MBP: variants seen among roughly 807,000 people sequenced by gnomAD.
MBP encodes the protein myelin basic protein, also known as Golli-MBP.
In MBP, 16 loss-of-function variants were observed where a neutral mutation model predicts 35.8. The observed-to-expected ratio is 0.45, with a 90% CI of 0.30 to 0.68. MBP has a LOEUF of 0.68. Among genes scored for constraint, MBP ranks in the 30% least tolerant of loss-of-function variants. The pLI is 0.08. For missense variants in MBP, 380 were observed against 404.7 expected (o/e 0.94, Z 0.52); for synonymous variants, 143 against 159.6 (o/e 0.90, Z 0.78).
rs1282128137 is a variant in MBP at position 77,077,964 on chromosome 18, C to T, written c.52-11579G>A. 9.2e-5 allele frequency among the ~76,000 whole-genome samples: 14 copies of T among 152,176 alleles called. No individual in the cohort carries two copies. The East Asian group carries it at 2.1e-3, about 23-fold the overall frequency. On this transcript the variant is annotated intron_variant, in intron 2 of 8. Coordinates refer to ENST00000355994, the MANE Select transcript of MBP (RefSeq NM_001025101.2). ...ACCATCCCTGTGGAGGGATTATCCC[C>T]GGGCCATCCTCCCGAGAGCTGCACC...
intron 2 of MBP, chr18:77,068,936 C>G (rs1974316948): frequency 2.2e-6 from 1 of 459,594 alleles, no homozygotes; most frequent in Non-Finnish European, 4.4e-6. Flanking sequence ...CACCACGGAG[C>G]TGAGCCTTGG....
rs1456157750 is a variant in MBP at position 77,028,668 on chromosome 18, G to A, written c.140-11400C>T. On this transcript the variant is annotated intron_variant, in intron 3 of 8. Transcript: ENST00000355994. ...CGGACGGGGCAGCTGGCTGGGCAGA[G>A]GGGCTCCTCACTTCCCAGTAGGGGC... Among the ~76,000 whole-genome samples, 3 of 82,794 alleles carry A rather than the reference G, an allele frequency of 3.6e-5. 1 individual carries two copies. The highest frequency in any genetic ancestry group is 1.0e-4 in the African/African-American group (3 of 28,718). The allele number at this position is 82,794 out of a possible 152,430, so 54.3% of individuals were successfully genotyped here. A position where few individuals can be genotyped will look rare whatever the true frequency, so the allele number is the denominator to read the frequency against.
At chr18:77,014,413 T>C (rs954158838) in intron 4 of MBP, 1 of 985,160 alleles carries the variant, frequency 1.0e-6, no homozygotes, top group Non-Finnish European at 1.2e-6. Context: ...TCGTTCTAGA[T>C]AGGGAGAAGC....
At chr18:77,082,028 A>ATT (rs1201528960) in intron 2 of MBP, among the ~76,000 whole-genome samples, 1 of 150,646 alleles carries the variant, frequency 6.6e-6, no homozygotes, top group Non-Finnish European at 1.5e-5. Flanking sequence ...ATTTTTTTGT[A>ATT]TTTTTAGTAG....
chr18:77,079,433 T>C (rs1259607633), intron 2 of MBP, among the ~76,000 whole-genome samples: 2 of 152,206 alleles, frequency 1.3e-5, no homozygotes, highest in Non-Finnish European at 2.9e-5. Flanking sequence ...CACCAGGACA[T>C]ACAATGTTTA....
intron 3 of MBP, among the ~76,000 whole-genome samples, chr18:77,030,684 T>A (rs1972507597): frequency 6.6e-6 from 1 of 152,272 alleles, no homozygotes; most frequent in South Asian, 2.1e-4. Context: ...AGGAAACTAT[T>A]ATTGTGGAAT....
intron 3 of MBP, among the ~76,000 whole-genome samples, chr18:77,053,329 C>A (rs755250783): frequency 8.5e-5 from 13 of 152,262 alleles, no homozygotes; most frequent in Non-Finnish European, 1.6e-4. Context: ...GACATTTGCA[C>A]ACTCAGCTGG....
chr18:77,005,225 C>T (rs369514014), intron 4 of MBP: 3 of 152,228 alleles, frequency 2.0e-5, no homozygotes, highest in Admixed American at 6.5e-5. Context: ...GGTGGACAAA[C>T]GGCACCTGTC....
chr18:77,097,637 T>C (rs1049753583), intron 2 of MBP, among the ~76,000 whole-genome samples: 2 of 152,166 alleles, frequency 1.3e-5, no homozygotes, highest in African/African-American at 4.8e-5. Flanking sequence ...CCAGCGGGCA[T>C]CCTCTCAGAA....
At chr18:76,997,397 T>C (rs1349343194) in intron 4 of MBP, among the ~76,000 whole-genome samples, 1 of 152,206 alleles carries the variant, frequency 6.6e-6, no homozygotes, top group Non-Finnish European at 1.5e-5. Flanking sequence ...TTCTGGTTCC[T>C]CGCGGGTGAA....
chr18:77,113,098 C>T (rs1976530362), intron 1 of MBP: 1 of 152,176 alleles, frequency 6.6e-6, no homozygotes, highest in South Asian at 2.1e-4. Context: ...GCCACCACAC[C>T]TGGCTAATTT....
chr18:77,104,858 C>T (rs1243595871), intron 2 of MBP, among the ~76,000 whole-genome samples: 3 of 152,102 alleles, frequency 2.0e-5, no homozygotes, highest in African/African-American at 4.8e-5. Context: ...AGGGCTGCTT[C>T]GTCTTCCTCT....
intron 7 of MBP, chr18:76,985,580 G>A: frequency 9.1e-7 from 1 of 1,095,176 alleles, no homozygotes; most frequent in South Asian, 2.4e-5. Flanking sequence ...CAGGAGGCCG[G>A]GGCTGCTGAG....
chr18:77,095,002 A>T (rs1391523851), intron 2 of MBP, among the ~76,000 whole-genome samples: 3 of 152,216 alleles, frequency 2.0e-5, no homozygotes, highest in African/African-American at 7.2e-5. Flanking sequence ...TCTTGATAGT[A>T]AGTTACCAAC....
At chr18:77,111,430 C>G (rs147047239) in intron 1 of MBP, among the ~76,000 whole-genome samples, 22 of 152,358 alleles carry the variant, frequency 1.4e-4, no homozygotes, top group Non-Finnish European at 2.9e-4. Flanking sequence ...CCTGAATAAA[C>G]AGTGGAACTG....
chr18:77,127,378 C>T (rs1379691710), intron 1 of MBP: 1 of 152,194 alleles, frequency 6.6e-6, no homozygotes, highest in African/African-American at 2.4e-5. Context: ...CTAAACCTCA[C>T]ACCTCATACA....
intron 4 of MBP, among the ~76,000 whole-genome samples, chr18:76,991,440 G>A (rs868249129): frequency 9.2e-4 from 140 of 152,330 alleles, no homozygotes; most frequent in African/African-American, 3.0e-3. Flanking sequence ...CATAGGCGAC[G>A]CAGGGGATGC....
At chr18:77,029,317 A>G (rs1416258608) in intron 3 of MBP, among the ~76,000 whole-genome samples, 1 of 149,928 alleles carries the variant, frequency 6.7e-6, no homozygotes, top group Admixed American at 6.6e-5. Context: ...AGGCTGAGGC[A>G]GGAGAATCAG....
rs145865072 is a variant in MBP at position 77,050,793 on chromosome 18, G to A, written c.139+15505C>T. Among the ~76,000 whole-genome samples, 539 of 152,246 alleles carry A rather than the reference G, an allele frequency of 3.5e-3. 2 individuals are homozygous for A. The highest frequency in any genetic ancestry group is 4.9e-3 in the Non-Finnish European group (332 of 68,020). ...ACTCCTGAGCTTGAGTGATCTGCCC[G>A]CCTCGGACTCCCAAAGTGCTGGGAT... On this transcript the variant is annotated intron_variant, in intron 3 of 8. Coordinates refer to ENST00000355994, the MANE Select transcript of MBP (RefSeq NM_001025101.2).
Sources: gnomAD v4.1 joint callset for allele counts (sites outside exome capture counted in the v4.1 genomes callset) on GRCh38, gnomAD v4.1.1 for gene constraint, MANE v1.5 for transcripts, NCBI Gene and HGNC (gene_info 2026-07-23, HGNC 2026-07-21) for gene names.